RPRD1A: variants seen among roughly 807,000 people sequenced by gnomAD.
RPRD1A encodes regulation of nuclear pre-mRNA domain-containing protein 1A.
A neutral mutation model predicts 37.8 loss-of-function variants in RPRD1A; 9 were observed. The observed-to-expected ratio is 0.24, with a 90% CI of 0.14 to 0.42. RPRD1A has a LOEUF of 0.42. Ranked by LOEUF, RPRD1A falls within the 10% of genes least tolerant of loss-of-function variation. The pLI, the probability that RPRD1A is intolerant of heterozygous loss-of-function variation, is 1.00. For synonymous variants in RPRD1A, 138 were observed against 139.7 expected, an observed-to-expected ratio of 0.99 and a Z score of 0.08; for missense variants, 255 against 371.0, an observed-to-expected ratio of 0.69 and a Z score of 2.57.
At chr18:36,014,651 G>A (rs1029940893) in intron 6 of RPRD1A, among the ~76,000 whole-genome samples, 7 of 152,206 alleles carry the variant, frequency 4.6e-5, no homozygotes, top group African/African-American at 1.4e-4. Flanking sequence ...GCTGAGGCAG[G>A]AGAATGGCGT....
chr18:36,047,320 G>C (rs1309710671), intron 1 of RPRD1A, among the ~76,000 whole-genome samples: 1 of 152,082 alleles, frequency 6.6e-6, no homozygotes, highest in Admixed American at 6.6e-5. Flanking sequence ...GTGGGGCATA[G>C]CTAAAGCAGT....
intron 6 of RPRD1A, among the ~76,000 whole-genome samples, chr18:36,009,105 C>A (rs890253357): frequency 5.9e-5 from 9 of 151,892 alleles, no homozygotes; most frequent in African/African-American, 2.2e-4. Flanking sequence ...TCCCTTTGAG[C>A]TTTCTTTCTT....
intron 6 of RPRD1A, among the ~76,000 whole-genome samples, chr18:36,006,382 A>G (rs1453256636): frequency 6.6e-6 from 1 of 152,098 alleles, no homozygotes; most frequent in African/African-American, 2.4e-5. Context: ...GGGTCTCGCT[A>G]TGTTGCCAGG....
At chr18:36,003,702 T>A (rs867223717) in intron 6 of RPRD1A, among the ~76,000 whole-genome samples, 3 of 152,186 alleles carry the variant, frequency 2.0e-5, no homozygotes, top group African/African-American at 4.8e-5. Flanking sequence ...TATTCTGCTC[T>A]TTGATATAAT....
chr18:36,060,205 G>A (rs2088878714), intron 1 of RPRD1A, among the ~76,000 whole-genome samples: 1 of 152,138 alleles, frequency 6.6e-6, no homozygotes, highest in Admixed American at 6.5e-5. Context: ...GCCAAGGTGG[G>A]CGGATCACGA....
At chr18:36,018,272 ACTTTTT>A (rs1910742992) in intron 6 of RPRD1A, among the ~76,000 whole-genome samples, 1 of 80,076 alleles carries the variant, frequency 1.2e-5, no homozygotes, top group East Asian at 3.8e-4. Flanking sequence ...TCCAAGTTAC[ACTTTTT>A]TTTTTTTTTT....
chr18:36,004,957 G>C (rs1023482582), intron 6 of RPRD1A, among the ~76,000 whole-genome samples: 1 of 151,616 alleles, frequency 6.6e-6, no homozygotes, highest in African/African-American at 2.4e-5. Flanking sequence ...TATAAATCTG[G>C]CTACCTATGT....
intron 6 of RPRD1A, among the ~76,000 whole-genome samples, chr18:36,024,274 G>A (rs1364717477): frequency 6.7e-6 from 1 of 149,258 alleles, no homozygotes; most frequent in South Asian, 2.1e-4. Context: ...AGCCTCCCAA[G>A]TAGCTGGGAC....
intron 1 of RPRD1A, chr18:36,040,951 C>T (rs1435180204): frequency 1.2e-5 from 9 of 721,000 alleles, no homozygotes; most frequent in Non-Finnish European, 1.9e-5. Flanking sequence ...TCAGAATGAA[C>T]TACAAACACT....
chr18:36,006,966 C>A (rs922273395), intron 6 of RPRD1A, among the ~76,000 whole-genome samples: 4 of 152,184 alleles, frequency 2.6e-5, no homozygotes, highest in Non-Finnish European at 5.9e-5. Flanking sequence ...AACATTCTGG[C>A]AGGCATGAAT....
At chr18:36,046,216 C>A (rs1912941415) in intron 1 of RPRD1A, among the ~76,000 whole-genome samples, 1 of 152,168 alleles carries the variant, frequency 6.6e-6, no homozygotes, top group African/African-American at 2.4e-5. Context: ...GCCTAGACTT[C>A]CACCCTCACA....
At chr18:35,996,757 C>T (rs1176208125) in intron 6 of RPRD1A, among the ~76,000 whole-genome samples, 1 of 151,940 alleles carries the variant, frequency 6.6e-6, no homozygotes, top group Non-Finnish European at 1.5e-5. Flanking sequence ...GGGTGGAATG[C>T]TTTGAGCTCA....
chr18:36,003,578 T>TA (rs1300565228), intron 6 of RPRD1A, among the ~76,000 whole-genome samples: 1 of 152,196 alleles, frequency 6.6e-6, no homozygotes, highest in African/African-American at 2.4e-5. Flanking sequence ...AACCATGGTT[T>TA]AAGTGAGTTA....
At chr18:36,018,495 G>A (rs147642185) in intron 6 of RPRD1A, among the ~76,000 whole-genome samples, 5,115 of 152,016 alleles carry the variant, frequency 0.034, 144 homozygotes, top group East Asian at 0.12. Context: ...GGATGGTCTC[G>A]ATGTCCTGAC....
intron 6 of RPRD1A, among the ~76,000 whole-genome samples, chr18:36,002,814 T>G (rs949605904): frequency 2.0e-5 from 3 of 152,188 alleles, no homozygotes; most frequent in Non-Finnish European, 4.4e-5. Flanking sequence ...AATAGTGAGG[T>G]AAACAAGTCA....
At chr18:36,032,545 T>C (rs1568134563) in intron 2 of RPRD1A, among the ~76,000 whole-genome samples, 1 of 152,194 alleles carries the variant, frequency 6.6e-6, no homozygotes, top group Non-Finnish European at 1.5e-5. Flanking sequence ...CAAGGAAGTA[T>C]TATGACCAGC....
At chr18:36,054,307 G>A (rs780552600) in intron 1 of RPRD1A, among the ~76,000 whole-genome samples, 3 of 152,030 alleles carry the variant, frequency 2.0e-5, no homozygotes, top group Non-Finnish European at 4.4e-5. Context: ...CCTGGCCAAC[G>A]TGATGAAACC....
intron 6 of RPRD1A, among the ~76,000 whole-genome samples, chr18:36,022,936 G>A (rs1293423084): frequency 6.6e-6 from 1 of 152,046 alleles, no homozygotes; most frequent in African/African-American, 2.4e-5. Context: ...CTCCAGCCTG[G>A]GTGACAGAAC....
intron 1 of RPRD1A, among the ~76,000 whole-genome samples, chr18:36,058,580 G>A (rs887120224): frequency 6.6e-6 from 1 of 152,046 alleles, no homozygotes; most frequent in African/African-American, 2.4e-5. Context: ...TTACGTTACG[G>A]GCCAAAGGGA....
Sources: allele counts gnomAD v4.1 joint callset (sites outside exome capture counted in the v4.1 genomes callset), GRCh38; gene constraint gnomAD v4.1.1; transcripts MANE v1.5; gene names NCBI Gene and HGNC (gene_info 2026-07-23, HGNC 2026-07-21).